The following TMLHE variants were observed in gnomAD, a reference collection of about 807,000 sequenced individuals.
The protein encoded by TMLHE is trimethyllysine hydroxylase, epsilon.
TMLHE carries 18 observed loss-of-function variants against 25.7 expected under a neutral mutation model. The observed-to-expected ratio is 0.70, with a 90% confidence interval of 0.48 to 1.04. TMLHE has a LOEUF of 1.04. TMLHE is among the 50% of genes least tolerant of loss of function. The probability of loss-of-function intolerance (pLI) is 0.00; values close to 1 mark genes in which losing one functional copy is unlikely to be tolerated. For synonymous variants in TMLHE, 105 were observed against 97.0 expected (o/e 1.08, Z -0.49); for missense variants, 236 against 259.0 (o/e 0.91, Z 0.61).
chrX:155,548,004 T>G (rs1557339127), intron 1 of TMLHE, among the ~76,000 whole-genome samples: 1 of 111,564 alleles, frequency 9.0e-6, no homozygotes, highest in African/African-American at 3.3e-5. Flanking sequence ...TGTTACCAGT[T>G]TCAATTTTTA....
At chrX:155,545,057 A>G in intron 2 of TMLHE, 39 bp downstream of exon 2, 1 of 1,183,279 alleles carries the variant, frequency 8.5e-7, no homozygotes, top group Non-Finnish European at 1.1e-6. Flanking sequence ...ATTTCTTACC[A>G]CAAGTTTTAA....
chrX:155,585,339 A>G (rs1427430892), intron 1 of TMLHE, among the ~76,000 whole-genome samples: 1 of 110,529 alleles, frequency 9.0e-6, no homozygotes, highest in African/African-American at 3.3e-5. Flanking sequence ...ACTTTAGGTG[A>G]AAAACAGTAA....
chrX:155,574,354 A>T (rs1557343586), intron 1 of TMLHE, among the ~76,000 whole-genome samples: 1 of 111,924 alleles, frequency 8.9e-6, no homozygotes, highest in African/African-American at 3.3e-5. Flanking sequence ...TCCACACAGA[A>T]AGTAAGAGTG....
intron 1 of TMLHE, among the ~76,000 whole-genome samples, chrX:155,575,816 AAAAC>A (rs2067585903): frequency 8.9e-6 from 1 of 112,349 alleles, no homozygotes; most frequent in South Asian, 3.6e-4. Context: ...TGTTCATGTT[AAAAC>A]AAATTAGGCA....
chrX:155,580,224 T>C (rs2067617275), intron 1 of TMLHE, among the ~76,000 whole-genome samples: 1 of 111,126 alleles, frequency 9.0e-6, no homozygotes, highest in South Asian at 3.8e-4. Context: ...AAATGACCAA[T>C]AGACATATGA....
At chrX:155,528,196 A>G (rs781876996) in intron 2 of TMLHE, among the ~76,000 whole-genome samples, 1 of 110,823 alleles carries the variant, frequency 9.0e-6, no homozygotes, top group East Asian at 2.8e-4. Context: ...AGGAGTATAT[A>G]TTGTTAAAGT....
At chrX:155,562,403 T>A (rs2067500185) in intron 1 of TMLHE, among the ~76,000 whole-genome samples, 1 of 61,068 alleles carries the variant, frequency 1.6e-5, no homozygotes, top group African/African-American at 3.6e-5. Flanking sequence ...AAACCTTTTT[T>A]TTTTCTCCTA....
chrX:155,559,301 C>T (rs782578165), intron 1 of TMLHE, among the ~76,000 whole-genome samples: 13 of 110,696 alleles, frequency 1.2e-4, no homozygotes, highest in Non-Finnish European at 2.5e-4. Flanking sequence ...AAATACTAAC[C>T]CTTTAGGCAC....
chrX:155,547,017 C>T (rs1557338777), intron 1 of TMLHE, among the ~76,000 whole-genome samples: 1 of 111,463 alleles, frequency 9.0e-6, no homozygotes, highest in East Asian at 2.8e-4. Flanking sequence ...AAAAAATTTC[C>T]AACTCCTAGT....
intron 2 of TMLHE, 131 bp from the exon 3 acceptor site, chrX:155,524,763 C>A: frequency 2.2e-6 from 1 of 464,493 alleles, no homozygotes; most frequent in Non-Finnish European, 3.3e-6. Flanking sequence ...TTGCCCCTTA[C>A]CAGATATTAA....
intron 3 of TMLHE, among the ~76,000 whole-genome samples, chrX:155,514,793 G>A (rs182690252): frequency 1.6e-4 from 18 of 111,548 alleles, no homozygotes; most frequent in Middle Eastern, 4.6e-3. Flanking sequence ...ATTCAATGCT[G>A]CCTTCCTCTT....
intron 1 of TMLHE, among the ~76,000 whole-genome samples, chrX:155,581,304 G>C (rs1557344506): frequency 9.0e-6 from 1 of 111,653 alleles, no homozygotes; most frequent in Non-Finnish European, 1.9e-5. Flanking sequence ...ATTCAACATA[G>C]TGTTGGAAGT....
intron 1 of TMLHE, among the ~76,000 whole-genome samples, chrX:155,585,416 AACAC>A (rs56160372): frequency 0.53 from 50,567 of 96,194 alleles, 11,709 homozygotes; most frequent in Middle Eastern, 0.75. Context: ...CACACACACA[AACAC>A]ACACACACAC....
chrX:155,548,644 A>G (rs1281723878), intron 1 of TMLHE, among the ~76,000 whole-genome samples: 1 of 108,681 alleles, frequency 9.2e-6, no homozygotes, highest in East Asian at 3.0e-4. Flanking sequence ...CTGAGGCAGG[A>G]GAATCGCTTG....
intron 2 of TMLHE, among the ~76,000 whole-genome samples, chrX:155,539,037 G>A (rs1557337904): frequency 1.8e-5 from 2 of 111,413 alleles, no homozygotes; most frequent in Non-Finnish European, 3.8e-5. Flanking sequence ...TGCACCCCAG[G>A]CAAGTGCAAA....
chrX:155,560,328 G>A (rs1569562157), intron 1 of TMLHE, among the ~76,000 whole-genome samples: 3 of 110,367 alleles, frequency 2.7e-5, no homozygotes, highest in African/African-American at 9.8e-5. Flanking sequence ...ACAAATATTT[G>A]TCGGGTGTCT....
chrX:155,591,724 G>A (rs1424066331), intron 1 of TMLHE, among the ~76,000 whole-genome samples: 5 of 111,458 alleles, frequency 4.5e-5, no homozygotes, highest in African/African-American at 1.6e-4. Context: ...GTGGAGAAAA[G>A]GGAACCCTTG....
intron 2 of TMLHE, among the ~76,000 whole-genome samples, chrX:155,537,681 T>C (rs782194895): frequency 1.8e-5 from 2 of 110,472 alleles, no homozygotes; most frequent in Admixed American, 1.9e-4. Context: ...CCATATTCCA[T>C]GGTCCATCAT....
At position 155,564,713 on chromosome X, in the gene TMLHE, T is replaced by G. The variant is rs1450421718; in HGVS notation, c.-1-19436A>C. ...ACATTGTGGTGGGCATCACAATGACTAAATTCAACAATGCCACAACAGTAT... is the reference window on the plus strand; with the variant it reads ...ACATTGTGGTGGGCATCACAATGACGAAATTCAACAATGCCACAACAGTAT... On this transcript the variant is annotated intron_variant, in intron 1 of 7. Coordinates refer to ENST00000334398, the MANE Select transcript of TMLHE (RefSeq NM_018196.4). Among the ~76,000 whole-genome samples the G allele has an allele frequency of 3.2e-5, 2 of 61,598 alleles. 1 individual carries two copies. The highest frequency in any genetic ancestry group is 9.1e-5 in the Non-Finnish European group (2 of 22,017). 53.5% of individuals were successfully genotyped at this position (61,598 alleles called of 115,157 possible). A position where few individuals can be genotyped will look rare whatever the true frequency, so the allele number is the denominator to read the frequency against.
Sources: gnomAD v4.1 joint callset for allele counts (sites outside exome capture counted in the v4.1 genomes callset) on GRCh38, gnomAD v4.1.1 for gene constraint, MANE v1.5 for transcripts, NCBI Gene and HGNC (gene_info 2026-07-23, HGNC 2026-07-21) for gene names.